MOGAT3: variants seen among roughly 807,000 people sequenced by gnomAD.
MOGAT3 encodes the protein 2-acylglycerol O-acyltransferase 3.
Under a neutral mutation model 34.4 loss-of-function variants are expected in MOGAT3, and 39 were observed. The ratio of observed to expected loss-of-function variants is 1.13; its 90% confidence interval spans 0.88 to 1.48. The LOEUF (loss-of-function observed/expected upper bound fraction) is 1.48, where lower values mean the gene tolerates loss of function less well. MOGAT3 is among the 40% of genes most tolerant of loss of function. MOGAT3 has a pLI of 0.00. For synonymous variants in MOGAT3, 209 were observed against 179.2 expected, an observed-to-expected ratio of 1.17 and a Z score of -1.33; for missense variants, 439 against 438.9, an observed-to-expected ratio of 1.00 and a Z score of 0.00.
Position 101,195,938 on chromosome 7 carries a change from G to A in MOGAT3, c.*8C>T, listed in dbSNP as rs548393513. The A allele has an allele frequency of 4.3e-6, 7 of 1,613,948 alleles. No individual in the cohort carries two copies. The highest frequency in any genetic ancestry group is 1.7e-5 in the Admixed American group (1 of 59,990). ...GCTCAGGGGCTCAGCGAAAGGCCGC[G>A]GCCAGGCCTAGATGAAGGTGAGGCA... On this transcript the variant is annotated 3_prime_UTR_variant, in exon 7 of 7. Transcript: ENST00000223114.
intron 3 of MOGAT3, among the ~76,000 whole-genome samples, chr7:101,199,732 G>A (rs928509104): frequency 1.3e-5 from 2 of 150,182 alleles, no homozygotes; most frequent in African/African-American, 2.5e-5. Context: ...CTCCCACCTC[G>A]GCCTCCCAAA....
rs771749642 is a variant in MOGAT3, at chr7:101,198,691, G to A, written c.428C>T (p.Pro143Leu). The change falls in exon 4 of 7, where the codon CCC becomes CTC. Residue 143 changes from proline (P) to leucine (L), a missense_variant. By Grantham distance (98) the Pro-to-Leu change is moderately conservative (BLOSUM62 -3). Coordinates refer to ENST00000223114, the MANE Select transcript of MOGAT3 (RefSeq NM_178176.4). ...GAGGCCAGCCAGCACGGCTAACCAG[G>A]GCCGGAGCCCCGGGAAGAGCTGGGA... ...GFSQLFPGLRPWLAVLAGLFY... is the reference protein window; with the variant it reads ...GFSQLFPGLRLWLAVLAGLFY... 6 of 1,613,612 alleles carry A rather than the reference G, an allele frequency of 3.7e-6. No individual in the cohort carries two copies. Among genetic ancestry groups the A allele is most frequent in the Non-Finnish European group, 5.1e-6 (6 of 1,180,040 alleles).
intron 4 of MOGAT3, 65 bp from the exon 5 acceptor site, chr7:101,198,430 A>G: frequency 1.4e-6 from 2 of 1,468,444 alleles, no homozygotes; most frequent in Non-Finnish European, 1.8e-6. Flanking sequence ...CCCCTCACCC[A>G]GCCTTTAGTT....
chr7:101,200,088 T>TC, intron 3 of MOGAT3, 146 bp downstream of exon 3: 1 of 641,526 alleles, frequency 1.6e-6, no homozygotes, highest in Non-Finnish European at 2.8e-6. Context: ...AGACTCAGTC[T>TC]AAAAAAAAAA....
downstream of MOGAT3, among the ~76,000 whole-genome samples, chr7:101,193,103 TA>T (rs1170351008): frequency 2.2e-4 from 34 of 151,902 alleles, no homozygotes; most frequent in Admixed American, 3.3e-4. Context: ...ATAAATAAAA[TA>T]AAATAAAATA....
At position 101,198,850 on chromosome 7, in the gene MOGAT3, A is replaced by G. The variant is rs1477796421; in HGVS notation, c.289-20T>C. On this transcript the variant is annotated intron_variant, in intron 3 of 6. Transcript: ENST00000223114. ...CACCAGCTTCGGGGTGTTGAGCAGGATGAAGGGAGGATGGAAGGCAAGACA... is the reference window on the plus strand; with the variant it reads ...CACCAGCTTCGGGGTGTTGAGCAGGGTGAAGGGAGGATGGAAGGCAAGACA... The G allele has an allele frequency of 1.2e-6, 2 of 1,612,014 alleles. No individual in the cohort carries two copies. The highest frequency in any genetic ancestry group is 2.7e-5 in the African/African-American group (2 of 74,856).
At chr7:101,197,314 C>G (rs1237821675) in intron 5 of MOGAT3, among the ~76,000 whole-genome samples, 3 of 152,134 alleles carry the variant, frequency 2.0e-5, no homozygotes, top group African/African-American at 7.2e-5. Context: ...TCCCGAATAG[C>G]TGAAACTTCG....
In MOGAT3 at chr7:101,200,202, G is replaced by A. The variant is rs372139038; in HGVS notation, c.288+32C>T. ...TGTGGGAGGGAGATGGGGAGAGGTAGGAAGCAGTTTTTCTGCAGGGTGACC... is the reference window on the plus strand; with the variant it reads ...TGTGGGAGGGAGATGGGGAGAGGTAAGAAGCAGTTTTTCTGCAGGGTGACC... On this transcript the variant is annotated intron_variant, in intron 3 of 6. Coordinates refer to ENST00000223114, the MANE Select transcript of MOGAT3 (RefSeq NM_178176.4). 28 of 1,588,926 alleles carry A rather than the reference G, an allele frequency of 1.8e-5. No homozygotes were observed. In the African/African-American group the frequency reaches 1.9e-4, roughly 11 times the overall value.
rs759250229 is a variant in MOGAT3, at chr7:101,198,618, C to A, written c.493+8G>T. ...CTCCTCCCGTTCTCCTCCTCCCATT[C>A]GGCTCACCAAAGGACATGATGTAGT... On this transcript the variant is annotated splice_region_variant and intron_variant, in intron 4 of 6. Coordinates refer to ENST00000223114, the MANE Select transcript of MOGAT3 (RefSeq NM_178176.4). 2.5e-6 allele frequency: 4 copies of A among 1,611,630 alleles called. No homozygotes were observed. Among genetic ancestry groups the A allele is most frequent in the Non-Finnish European group, 8.5e-7 (1 of 1,179,498 alleles).
In MOGAT3 at chr7:101,196,010, T is replaced by A. The variant is rs139545520; in HGVS notation, c.962A>T (p.Gln321Leu). The change falls in exon 7 of 7, where the codon CAG becomes CTG. Residue 321 changes from glutamine to leucine, a missense_variant. Coordinates refer to ENST00000223114, the MANE Select transcript of MOGAT3 (RefSeq NM_178176.4). Reference protein sequence around the residue: ...YHALYMTALEQLFEEHKESCG... With the variant: ...YHALYMTALELLFEEHKESCG... The stretch of plus-strand genomic sequence containing the variant: ...GCTTTCCTTGTGCTCCTCGAAGAGC[T>A]GCTCCAGGGCCGTCATGTAGAGGGC... 9,301 of 1,614,076 alleles carry A rather than the reference T, an allele frequency of 5.8e-3. 71 individuals carry two copies. The highest frequency in any genetic ancestry group is 0.017 in the South Asian group (1,545 of 91,076).
At chr7:101,200,555 A>G (rs1797930163) in intron 1 of MOGAT3, 40 bp from the exon 2 acceptor site, 12 of 1,485,900 alleles carry the variant, frequency 8.1e-6, no homozygotes, top group Non-Finnish European at 1.0e-5. Context: ...CACTTCTGAA[A>G]CTCCATCATT....
Position 101,198,834 on chromosome 7 carries a change from C to G in MOGAT3, c.289-4G>C. 1 of 1,613,796 alleles carries G rather than the reference C, an allele frequency of 6.2e-7. No homozygotes were observed. The highest frequency in any genetic ancestry group is 8.5e-7 in the Non-Finnish European group (1 of 1,179,926). The stretch of plus-strand genomic sequence containing the variant: ...GCAGCTCTGCTGTTTTCACCAGCTT[C>G]GGGGTGTTGAGCAGGATGAAGGGAG... On this transcript the variant is annotated splice_region_variant and splice_polypyrimidine_tract_variant and intron_variant, in intron 3 of 6. Coordinates refer to ENST00000223114, the MANE Select transcript of MOGAT3 (RefSeq NM_178176.4).
intron 1 of MOGAT3, 77 bp from the exon 2 acceptor site, chr7:101,200,592 C>T: frequency 7.4e-7 from 1 of 1,355,618 alleles, no homozygotes; most frequent in Non-Finnish European, 1.0e-6. Context: ...TTCCCTTCCT[C>T]CCCTTCAGAA....
In MOGAT3 at chr7:101,198,668, GGCCAGCCAGCACGGCTAACCAGGGCCGGA is replaced by G. The variant is rs776806202; in HGVS notation, c.422_450del (p.Leu141ProfsTer86). On this transcript the variant is annotated frameshift_variant, in exon 4 of 7. Coordinates refer to ENST00000223114, the MANE Select transcript of MOGAT3 (RefSeq NM_178176.4). LOFTEE classifies it high-confidence loss of function. Reference sequence around the variant, plus strand: ...TCGCGATAGACCGGGAGGTAGAAGAGGCCAGCCAGCACGGCTAACCAGGGCCGGAGCCCCGGGAAGAGCTGGGAGAAGCC... The same window carrying G: ...TCGCGATAGACCGGGAGGTAGAAGAGGCCCCGGGAAGAGCTGGGAGAAGCC... The G allele has an allele frequency of 6.2e-7, 1 of 1,613,574 alleles. No individual in the cohort carries two copies. Among genetic ancestry groups the G allele is most frequent in the Admixed American group, 1.7e-5 (1 of 59,992 alleles).
In MOGAT3 at chr7:101,195,533, CTTTTTTTTTTTTT is replaced by C. The variant is rs60472873; in HGVS notation, c.*400_*412del. On this transcript the variant is annotated 3_prime_UTR_variant, in exon 7 of 7. Coordinates refer to ENST00000223114, the MANE Select transcript of MOGAT3 (RefSeq NM_178176.4). ...CCCAGCCTACTACAGCTTTAACAGT[CTTTTTTTTTTTTT>C]TTTTTTTTTTTTTGAGATTGAGTCT... The C allele has an allele frequency of 3.7e-5, 2 of 53,682 alleles. No individual in the cohort carries two copies. Among genetic ancestry groups the C allele is most frequent in the Admixed American group, 2.2e-4 (1 of 4,564 alleles). 3.3% of individuals were successfully genotyped at this position (53,682 alleles called of 1,614,324 possible).
At chr7:101,196,496 C>G in intron 5 of MOGAT3, 107 bp from the exon 6 acceptor site, 1 of 689,554 alleles carries the variant, frequency 1.5e-6, no homozygotes. Context: ...TGCTACCTCC[C>G]AGGGTCATTC....
At chr7:101,197,774 C>G (rs1176923975) in intron 5 of MOGAT3, among the ~76,000 whole-genome samples, 1 of 152,064 alleles carries the variant, frequency 6.6e-6, no homozygotes. Flanking sequence ...GTGGTGGGCG[C>G]CTGTAGTCCC....
rs747381300 is a variant in MOGAT3, at chr7:101,200,429, C to T, written c.196G>A (p.Asp66Asn). 2 of 1,612,370 alleles carry T rather than the reference C, an allele frequency of 1.2e-6. No individual in the cohort carries two copies. The highest frequency in any genetic ancestry group is 2.2e-5 in the South Asian group (2 of 91,002). The change falls in exon 2 of 7, where the codon GAC becomes AAC. Residue 66 changes from aspartate (D) to asparagine (N), a missense_variant. Physicochemically the swap from Asp to Asn is conservative, Grantham distance 23. Transcript: ENST00000223114. ...SVFYLVWLYVDWDTPNQGGRR... is the reference protein window; with the variant it reads ...SVFYLVWLYVNWDTPNQGGRR... ...TCACCTTGGTTGGGTGTGTCCCAGT[C>T]CACATAGAGCCACACCAAGTAAAAA...
intron 2 of MOGAT3, 44 bp from the exon 3 acceptor site, chr7:101,200,348 T>G: frequency 6.2e-7 from 1 of 1,606,316 alleles, no homozygotes; most frequent in Non-Finnish European, 8.5e-7. Context: ...CGGAGTCACC[T>G]CCCCTCACCC....
Sources: gnomAD v4.1 joint callset for allele counts (sites outside exome capture counted in the v4.1 genomes callset) on GRCh38, gnomAD v4.1.1 for gene constraint, MANE v1.5 for transcripts, NCBI Gene and HGNC (gene_info 2026-07-23, HGNC 2026-07-21) for gene names.